The following VDAC1 variants were observed in gnomAD, a reference collection of about 807,000 sequenced individuals.
The protein encoded by VDAC1 is non-selective voltage-gated ion channel VDAC1.
Under a neutral mutation model 34.7 loss-of-function variants are expected in VDAC1, and 10 were observed. That is an observed-to-expected ratio of 0.29 (90% CI 0.18 to 0.49). The LOEUF is 0.49. Among genes scored for constraint, VDAC1 ranks in the 20% least tolerant of loss-of-function variants. VDAC1 has a pLI of 0.99. For synonymous variants in VDAC1, 130 were observed against 136.0 expected (o/e 0.96, Z 0.30); for missense variants, 230 against 347.9 (o/e 0.66, Z 2.69).
At chr5:134,049,872 T>C in the VDAC1 span, among the ~76,000 whole-genome samples, 129,831 of 152,254 alleles carry the variant, frequency 0.85, 55,444 homozygotes, top group African/African-American at 0.9. Context: ...TGAGCCACCC[T>C]GTTCCTGGCC....
At chr5:134,091,738 C>A in the VDAC1 span, among the ~76,000 whole-genome samples, 1 of 152,230 alleles carries the variant, frequency 6.6e-6, no homozygotes, top group South Asian at 2.1e-4. Flanking sequence ...TAAGCACTGA[C>A]CACGTGGGTC....
At chr5:134,109,378 C>A in the VDAC1 span, among the ~76,000 whole-genome samples, 4 of 152,294 alleles carry the variant, frequency 2.6e-5, no homozygotes, top group African/African-American at 9.6e-5. Context: ...ACATGAACAC[C>A]AGGCCTTGGT....
the VDAC1 span, among the ~76,000 whole-genome samples, chr5:134,088,269 A>G: frequency 9.2e-5 from 14 of 152,240 alleles, no homozygotes; most frequent in Non-Finnish European, 1.9e-4. Flanking sequence ...AGAGCCCCCA[A>G]CAAAACCCAT....
chr5:134,031,407 G>C, the VDAC1 span, among the ~76,000 whole-genome samples: 1 of 152,160 alleles, frequency 6.6e-6, no homozygotes, highest in East Asian at 1.9e-4. Context: ...AAGGGACTTT[G>C]CTGACACAAA....
At chr5:134,006,741 C>T (rs952880215), upstream of VDAC1, among the ~76,000 whole-genome samples, 1 of 111,352 alleles carries the variant, frequency 9.0e-6, no homozygotes, top group African/African-American at 3.5e-5. Context: ...ACATTGTCCC[C>T]CCCCCCCAAA....
At chr5:134,009,182 G>A (rs1753796192), upstream of VDAC1, among the ~76,000 whole-genome samples, 1 of 150,698 alleles carries the variant, frequency 6.6e-6, no homozygotes, top group African/African-American at 2.4e-5. Flanking sequence ...TATATACACA[G>A]AGAGACAAAT....
the VDAC1 span, among the ~76,000 whole-genome samples, chr5:134,083,523 A>G: frequency 6.6e-6 from 1 of 152,166 alleles, no homozygotes; most frequent in Non-Finnish European, 1.5e-5. Flanking sequence ...ATTATCCTGC[A>G]TGGTTAGAAG....
At chr5:134,030,401 G>C in the VDAC1 span, among the ~76,000 whole-genome samples, 12 of 152,136 alleles carry the variant, frequency 7.9e-5, no homozygotes, top group African/African-American at 2.9e-4. Context: ...CATATGGCTA[G>C]TGCCCATCAT....
At chr5:133,995,441 C>G (rs114384196) in intron 1 of VDAC1, among the ~76,000 whole-genome samples, 2 of 152,160 alleles carry the variant, frequency 1.3e-5, no homozygotes, top group African/African-American at 4.8e-5. Flanking sequence ...TAATCTCCCC[C>G]GTTCTGGGCC....
At chr5:134,000,159 G>A (rs1433880710) in intron 1 of VDAC1, among the ~76,000 whole-genome samples, 2 of 152,190 alleles carry the variant, frequency 1.3e-5, no homozygotes, top group African/African-American at 4.8e-5. Flanking sequence ...TTGCCAGGAA[G>A]AAACAACCCA....
chr5:134,040,190 G>A, the VDAC1 span, among the ~76,000 whole-genome samples: 10 of 152,222 alleles, frequency 6.6e-5, no homozygotes, highest in Non-Finnish European at 1.0e-4. Context: ...CAACACTTTG[G>A]GAGGCCAAGA....
the VDAC1 span, among the ~76,000 whole-genome samples, chr5:134,017,356 C>A: frequency 6.6e-6 from 1 of 152,096 alleles, no homozygotes; most frequent in African/African-American, 2.4e-5. Context: ...ATCCCAGCTA[C>A]TCGGGAGGCT....
upstream of VDAC1, among the ~76,000 whole-genome samples, chr5:134,009,922 C>T (rs1028454710): frequency 5.9e-5 from 9 of 152,152 alleles, no homozygotes; most frequent in Non-Finnish European, 1.2e-4. Flanking sequence ...CTGAAGTAAT[C>T]AACCTGTCTT....
the VDAC1 span, among the ~76,000 whole-genome samples, chr5:134,012,946 A>G: frequency 2.6e-5 from 4 of 152,176 alleles, no homozygotes; most frequent in Non-Finnish European, 5.9e-5. Flanking sequence ...CCACCCTCCT[A>G]CAACCAACTA....
At chr5:134,066,321 G>A in the VDAC1 span, among the ~76,000 whole-genome samples, 26 of 152,116 alleles carry the variant, frequency 1.7e-4, no homozygotes, top group Admixed American at 3.3e-4. Flanking sequence ...TATTTTTGAC[G>A]TTTTACAGTC....
At chr5:134,072,925 T>TGTA in the VDAC1 span, among the ~76,000 whole-genome samples, 3 of 152,318 alleles carry the variant, frequency 2.0e-5, no homozygotes, top group East Asian at 5.8e-4. Flanking sequence ...AATCATGTTG[T>TGTA]GTAAACAGCT....
chr5:134,075,000 G>A, the VDAC1 span, among the ~76,000 whole-genome samples: 5,726 of 152,122 alleles, frequency 0.038, 351 homozygotes, highest in African/African-American at 0.13. Context: ...GGTACAGCTC[G>A]TCCAGCCATT....
the VDAC1 span, among the ~76,000 whole-genome samples, chr5:134,044,579 G>T: frequency 6.6e-6 from 1 of 152,188 alleles, no homozygotes; most frequent in Non-Finnish European, 1.5e-5. Flanking sequence ...ATCTGTATGT[G>T]TCTGTGTGCA....
chr5:134,065,527 G>C, the VDAC1 span, among the ~76,000 whole-genome samples: 2 of 151,458 alleles, frequency 1.3e-5, no homozygotes, highest in Non-Finnish European at 2.9e-5. Flanking sequence ...TTTTCGTAGA[G>C]ACAGGGTTTT....
Sources: gnomAD v4.1 joint callset for allele counts (sites outside exome capture counted in the v4.1 genomes callset) on GRCh38, gnomAD v4.1.1 for gene constraint, MANE v1.5 for transcripts, NCBI Gene and HGNC (gene_info 2026-07-23, HGNC 2026-07-21) for gene names.